CCM2: variants seen among roughly 807,000 people sequenced by gnomAD.
CCM2 encodes the protein CCM2 scaffold protein.
In CCM2, 25 loss-of-function variants were observed where a neutral mutation model predicts 44.9. The ratio of observed to expected loss-of-function variants is 0.56; its 90% CI spans 0.41 to 0.78. CCM2 has a LOEUF of 0.78. Among genes scored for constraint, CCM2 ranks in the 30% least tolerant of loss-of-function variants. CCM2 has a pLI of 0.00. For synonymous variants in CCM2, 219 were observed against 241.1 expected (o/e 0.91, Z 0.85); for missense variants, 481 against 580.6 (o/e 0.83, Z 1.76).
chr7:45,058,784 A>T (rs1798387271), intron 2 of CCM2, among the ~76,000 whole-genome samples: 1 of 150,134 alleles, frequency 6.7e-6, no homozygotes, highest in Non-Finnish European at 1.5e-5. Flanking sequence ...ACAACGATAT[A>T]TTTTTTTTTG....
intron 2 of CCM2, among the ~76,000 whole-genome samples, chr7:45,052,379 T>C (rs1189469190): frequency 6.6e-6 from 1 of 152,206 alleles, no homozygotes; most frequent in Non-Finnish European, 1.5e-5. Flanking sequence ...CCTAAGTATG[T>C]GAACCAGGCT....
At chr7:45,026,728 A>G (rs1400020051) in intron 1 of CCM2, among the ~76,000 whole-genome samples, 2 of 149,696 alleles carry the variant, frequency 1.3e-5, no homozygotes, top group African/African-American at 4.9e-5. Flanking sequence ...TCAGCCTCCC[A>G]AGTAGCTGGG....
intron 2 of CCM2, among the ~76,000 whole-genome samples, chr7:45,044,472 T>G (rs1229012762): frequency 2.0e-5 from 3 of 152,196 alleles, no homozygotes; most frequent in Non-Finnish European, 4.4e-5. Flanking sequence ...GAGTTCCATC[T>G]ATAGCCCACT....
At chr7:45,004,052 T>C (rs887317165) in intron 1 of CCM2, among the ~76,000 whole-genome samples, 3 of 152,098 alleles carry the variant, frequency 2.0e-5, no homozygotes, top group African/African-American at 7.2e-5. Context: ...TGGTGGTGCA[T>C]GCCTGTAGTT....
Position 45,064,011 on chromosome 7 carries a change from T to C in CCM2, c.288+10T>C. On this transcript the variant is annotated intron_variant, in intron 3 of 9. Coordinates refer to ENST00000258781, the MANE Select transcript of CCM2 (RefSeq NM_031443.4). The stretch of plus-strand genomic sequence containing the variant: ...CATAGACAATGCAAAGGTAACCCTA[T>C]CCTCTTAACCCTGTGCACTAGCCCT... The C allele has an allele frequency of 6.3e-7, 1 of 1,595,336 alleles. No homozygotes were observed. Among genetic ancestry groups the C allele is most frequent in the Non-Finnish European group, 8.6e-7 (1 of 1,163,022 alleles).
chr7:45,075,241 C>T (rs951421533), intron 9 of CCM2, among the ~76,000 whole-genome samples: 2 of 152,320 alleles, frequency 1.3e-5, no homozygotes, highest in Middle Eastern at 3.4e-3. Context: ...CCCTCCACAT[C>T]GGGGAGTAGA....
At chr7:45,072,183 G>T in intron 6 of CCM2, 1 of 333,448 alleles carries the variant, frequency 3.0e-6, no homozygotes, top group Non-Finnish European at 5.9e-6. Flanking sequence ...AATGTCATTT[G>T]TTGAATGTAG....
intron 1 of CCM2, among the ~76,000 whole-genome samples, chr7:45,028,648 C>T (rs1796805281): frequency 1.3e-5 from 2 of 151,880 alleles, no homozygotes; most frequent in Non-Finnish European, 2.9e-5. Flanking sequence ...CAGAGTGAAA[C>T]TCCGGCTCAA....
At chr7:45,069,224 T>C (rs1798934891) in intron 5 of CCM2, among the ~76,000 whole-genome samples, 1 of 152,244 alleles carries the variant, frequency 6.6e-6, no homozygotes, top group African/African-American at 2.4e-5. Context: ...TCAGTGTTGG[T>C]GCTACTGTCA....
At chr7:45,007,742 G>A (rs1795901779) in intron 1 of CCM2, among the ~76,000 whole-genome samples, 1 of 152,104 alleles carries the variant, frequency 6.6e-6, no homozygotes, top group Admixed American at 6.6e-5. Context: ...AACCCAAGGA[G>A]GTTTTTCACT....
At chr7:45,022,635 T>C (rs1796527379) in intron 1 of CCM2, among the ~76,000 whole-genome samples, 1 of 151,738 alleles carries the variant, frequency 6.6e-6, no homozygotes, top group South Asian at 2.1e-4. Flanking sequence ...TGAATTGCTT[T>C]TCTTTTTTCT....
At chr7:45,072,283 C>T (rs1799117549) in intron 6 of CCM2, 1 of 337,654 alleles carries the variant, frequency 3.0e-6, no homozygotes, top group Non-Finnish European at 5.8e-6. Context: ...CTGCCCGGCT[C>T]TGACTGTGGT....
chr7:45,069,072 T>C (rs2128750167), intron 5 of CCM2, among the ~76,000 whole-genome samples: 2 of 152,374 alleles, frequency 1.3e-5, no homozygotes, highest in South Asian at 4.1e-4. Flanking sequence ...GGCTGGGCCC[T>C]TGTAGGCTAG....
intron 1 of CCM2, among the ~76,000 whole-genome samples, chr7:45,019,166 G>A (rs897425893): frequency 6.6e-6 from 1 of 150,988 alleles, no homozygotes; most frequent in African/African-American, 2.4e-5. Context: ...CCGCCTCCCG[G>A]GTTCAAGTGA....
intron 8 of CCM2, 113 bp from the exon 9 acceptor site, chr7:45,074,157 A>C: frequency 6.4e-7 from 1 of 1,573,972 alleles, no homozygotes; most frequent in South Asian, 1.2e-5. Flanking sequence ...TGCAGAGGTG[A>C]AGCCAGAGAC....
chr7:45,070,798 A>T (rs2128751053), intron 6 of CCM2: 1 of 165,054 alleles, frequency 6.1e-6, no homozygotes, highest in East Asian at 1.8e-4. Flanking sequence ...AAAAATACCA[A>T]GAAAAAAAAA....
At chr7:45,005,776 C>G (rs1329380294) in intron 1 of CCM2, among the ~76,000 whole-genome samples, 1 of 152,112 alleles carries the variant, frequency 6.6e-6, no homozygotes, top group Admixed American at 6.6e-5. Context: ...TAAAGGCAGA[C>G]CTAGGATGTC....
chr7:45,043,003 G>C (rs1343825537), intron 2 of CCM2, among the ~76,000 whole-genome samples: 1 of 129,252 alleles, frequency 7.7e-6, no homozygotes, highest in Admixed American at 9.0e-5. Context: ...GATAGGGTCT[G>C]TCTCTGTTGC....
intron 2 of CCM2, among the ~76,000 whole-genome samples, chr7:45,062,933 G>A (rs1798594026): frequency 6.6e-6 from 1 of 152,072 alleles, no homozygotes; most frequent in African/African-American, 2.4e-5. Context: ...CAGGGCGAAA[G>A]GTGGAAGGGC....
Sources: gnomAD v4.1 joint callset for allele counts (sites outside exome capture counted in the v4.1 genomes callset) on GRCh38, gnomAD v4.1.1 for gene constraint, MANE v1.5 for transcripts, NCBI Gene and HGNC (gene_info 2026-07-23, HGNC 2026-07-21) for gene names.